The following CPED1 variants were observed in gnomAD, a reference collection of about 807,000 sequenced individuals.
The protein encoded by CPED1 is cadherin-like and PC-esterase domain-containing protein 1.
Under a neutral mutation model 128.2 loss-of-function variants are expected in CPED1, and 114 were observed. The observed-to-expected ratio is 0.89, with a 90% CI of 0.76 to 1.04. The LOEUF is 1.04. CPED1 is among the 50% of genes least tolerant of loss of function. The pLI is 0.00. For synonymous variants in CPED1, 462 were observed against 426.7 expected, an observed-to-expected ratio of 1.08 and a Z score of -1.02; for missense variants, 1,211 against 1,207.1, an observed-to-expected ratio of 1.00 and a Z score of -0.05.
chr7:121,167,689 T>C (rs1019631804), intron 16 of CPED1, among the ~76,000 whole-genome samples: 9 of 151,494 alleles, frequency 5.9e-5, no homozygotes, highest in Admixed American at 3.9e-4. Flanking sequence ...AGAAAACTAC[T>C]AGAACCCATT....
At chr7:121,194,044 A>ATT (rs1198290127) in intron 16 of CPED1, among the ~76,000 whole-genome samples, 121 of 66,408 alleles carry the variant, frequency 1.8e-3, no homozygotes, top group Non-Finnish European at 2.6e-3. Flanking sequence ...ATATATATAT[A>ATT]TATATTTTTT....
chr7:121,187,499 A>G (rs574216558), intron 16 of CPED1, among the ~76,000 whole-genome samples: 2 of 152,206 alleles, frequency 1.3e-5, no homozygotes, highest in African/African-American at 2.4e-5. Context: ...GATAGATCAC[A>G]TGTGCTTTGT....
intron 18 of CPED1, among the ~76,000 whole-genome samples, chr7:121,251,364 G>T (rs182487530): frequency 0.024 from 3,597 of 152,218 alleles, 63 homozygotes; most frequent in Non-Finnish European, 0.036. Context: ...ATATCATACT[G>T]AATGGACAAA....
intron 7 of CPED1, among the ~76,000 whole-genome samples, chr7:121,107,323 A>T (rs548963307): frequency 6.7e-6 from 1 of 150,086 alleles, no homozygotes; most frequent in South Asian, 2.1e-4. Flanking sequence ...AGGAAAATAT[A>T]TTGGAAGGAA....
chr7:121,005,614 G>A (rs964928959), intron 2 of CPED1, among the ~76,000 whole-genome samples: 5 of 151,968 alleles, frequency 3.3e-5, no homozygotes, highest in Admixed American at 2.0e-4. Flanking sequence ...AAACCTGCAC[G>A]TTCTGCACAT....
At chr7:121,291,485 G>T (rs966886027) in intron 22 of CPED1, among the ~76,000 whole-genome samples, 1 of 152,168 alleles carries the variant, frequency 6.6e-6, no homozygotes, top group African/African-American at 2.4e-5. Context: ...TTGGGCAGTG[G>T]TTTGTAGTTC....
intron 7 of CPED1, among the ~76,000 whole-genome samples, chr7:121,101,170 G>A (rs1054426141): frequency 3.3e-5 from 5 of 151,526 alleles, no homozygotes; most frequent in Non-Finnish European, 4.4e-5. Context: ...TCTGTACCAT[G>A]TCCCCAAATC....
At chr7:121,047,692 TTCTTCTTCTTCTTCTTCTTCTTC>T (rs1793242523) in intron 4 of CPED1, among the ~76,000 whole-genome samples, 1 of 102,902 alleles carries the variant, frequency 9.7e-6, no homozygotes, top group African/African-American at 5.0e-5. Flanking sequence ...CTTCTTCTTC[TTCTTCTTCTTCTTCTTCTTCTTC>T]TTTTTTTTTT....
At position 121,296,286 on chromosome 7, in the gene CPED1, C is replaced by A. The variant is rs1234367652; in HGVS notation, c.*634C>A. ...TATGAAATATTTTATAGTTAAAACACCAATATATTCAACTTTACACTTCTT... is the reference window on the plus strand; with the variant it reads ...TATGAAATATTTTATAGTTAAAACAACAATATATTCAACTTTACACTTCTT... On this transcript the variant is annotated 3_prime_UTR_variant, in exon 23 of 23. Coordinates refer to ENST00000310396, the MANE Select transcript of CPED1 (RefSeq NM_024913.5). The A allele has an allele frequency of 6.6e-6, 1 of 152,154 alleles. No homozygotes were observed. The highest frequency in any genetic ancestry group is 1.5e-5 in the Non-Finnish European group (1 of 68,022). The allele number at this position is 152,154 out of a possible 1,614,324, so 9.4% of individuals were successfully genotyped here. A position where few individuals can be genotyped will look rare whatever the true frequency, so the allele number is the denominator to read the frequency against.
At chr7:121,275,065 T>G (rs974288645) in intron 22 of CPED1, among the ~76,000 whole-genome samples, 4 of 152,166 alleles carry the variant, frequency 2.6e-5, no homozygotes, top group African/African-American at 9.6e-5. Context: ...TCAACTAAAC[T>G]ATTCCCACAA....
At chr7:121,022,667 C>T (rs1248798233) in intron 3 of CPED1, among the ~76,000 whole-genome samples, 1 of 151,906 alleles carries the variant, frequency 6.6e-6, no homozygotes, top group Non-Finnish European at 1.5e-5. Context: ...GTTCAATAGC[C>T]TATAAAGCAG....
chr7:121,101,618 A>T (rs1405081648), intron 7 of CPED1, among the ~76,000 whole-genome samples: 1 of 152,118 alleles, frequency 6.6e-6, no homozygotes, highest in African/African-American at 2.4e-5. Context: ...GAGGCTGGGA[A>T]ATGTATAAAG....
intron 5 of CPED1, among the ~76,000 whole-genome samples, chr7:121,086,190 A>C (rs1476791848): frequency 6.6e-6 from 1 of 152,160 alleles, no homozygotes; most frequent in East Asian, 1.9e-4. Flanking sequence ...GTTTTGTGTC[A>C]TTTAAGGGAA....
intron 16 of CPED1, among the ~76,000 whole-genome samples, chr7:121,227,370 A>T (rs957518490): frequency 6.6e-6 from 1 of 152,074 alleles, no homozygotes; most frequent in African/African-American, 2.4e-5. Flanking sequence ...AAACAGAAAG[A>T]TTGTAACACA....
chr7:121,161,306 G>C (rs543646190), intron 16 of CPED1, among the ~76,000 whole-genome samples: 5 of 152,144 alleles, frequency 3.3e-5, no homozygotes, highest in Non-Finnish European at 5.9e-5. Context: ...CCTGCAACTG[G>C]AGGGTTAAGG....
At chr7:121,189,762 A>T (rs995921841) in intron 16 of CPED1, among the ~76,000 whole-genome samples, 32 of 38,980 alleles carry the variant, frequency 8.2e-4, no homozygotes, top group Middle Eastern at 0.03. Flanking sequence ...ATGAGGTTTT[A>T]TATATATATA....
rs1055168282 is a variant in CPED1, at chr7:121,011,933, C to T, written c.250-3732C>T. Among the ~76,000 whole-genome samples, 9 of 152,194 alleles carry T rather than the reference C, an allele frequency of 5.9e-5. No homozygotes were observed. The South Asian group carries it at 1.4e-3, about 25-fold the overall frequency. On this transcript the variant is annotated intron_variant, in intron 2 of 22. Transcript: ENST00000310396. ...CTCAGTTTTATTTACATATATTTAACATAATTTATTGGTGAGACACCACGT... is the reference window on the plus strand; with the variant it reads ...CTCAGTTTTATTTACATATATTTAATATAATTTATTGGTGAGACACCACGT...
Position 121,041,798 on chromosome 7 carries a change from T to TA in CPED1, c.434-5088dup, listed in dbSNP as rs1390282184. ...ATGTTAGCTGGTTTCTGAGAACACT[T>TA]AGAGAAGGATAAAAACTATAGTCAG... is the stretch of plus-strand genomic sequence containing the variant. On this transcript the variant is annotated intron_variant, in intron 3 of 22. Coordinates refer to ENST00000310396, the MANE Select transcript of CPED1 (RefSeq NM_024913.5). Among the ~76,000 whole-genome samples, 5 of 152,316 alleles carry TA rather than the reference T, an allele frequency of 3.3e-5. No homozygotes were observed. The East Asian group carries it at 9.6e-4, about 29-fold the overall frequency.
chr7:121,014,278 T>A (rs1359953901), intron 2 of CPED1, among the ~76,000 whole-genome samples: 1 of 152,048 alleles, frequency 6.6e-6, no homozygotes. Flanking sequence ...TTGGGCCGGG[T>A]GCGGTGGCTC....
Sources: allele counts gnomAD v4.1 joint callset (sites outside exome capture counted in the v4.1 genomes callset), GRCh38; gene constraint gnomAD v4.1.1; transcripts MANE v1.5; gene names NCBI Gene and HGNC (gene_info 2026-07-23, HGNC 2026-07-21).